Variants in ZNF618 observed in about 807,000 individuals in gnomAD.
The protein encoded by ZNF618 is neural precursor cell expressed, developmentally down-regulated 10.
A neutral mutation model predicts 103.0 loss-of-function variants in ZNF618; 34 were observed. That is an observed-to-expected ratio of 0.33 (90% CI 0.25 to 0.44). The LOEUF (loss-of-function observed/expected upper bound fraction) is 0.44, where lower values mean the gene tolerates loss of function less well. Ranked by LOEUF, ZNF618 falls within the 20% of genes least tolerant of loss-of-function variation. ZNF618 has a pLI of 1.00. For missense variants in ZNF618, 1,059 were observed against 1,295.4 expected (o/e 0.82, Z 2.80); for synonymous variants, 551 against 542.2 (o/e 1.02, Z -0.23).
chr9:113,946,029 G>C (rs544279379), intron 1 of ZNF618, among the ~76,000 whole-genome samples: 1 of 152,256 alleles, frequency 6.6e-6, no homozygotes, highest in East Asian at 1.9e-4. Flanking sequence ...AGGCTCCATC[G>C]GGGACAAAGA....
intron 6 of ZNF618, among the ~76,000 whole-genome samples, chr9:114,004,027 A>G (rs1841497932): frequency 6.6e-6 from 1 of 152,178 alleles, no homozygotes; most frequent in Non-Finnish European, 1.5e-5. Context: ...GGTTTGTTAC[A>G]CCACACCATC....
chr9:113,876,640 C>T (rs1471593698), intron 1 of ZNF618, among the ~76,000 whole-genome samples: 2 of 151,894 alleles, frequency 1.3e-5, no homozygotes, highest in East Asian at 1.9e-4. Context: ...GGGGCCCCCA[C>T]CCAGCGCCCC....
intron 1 of ZNF618, among the ~76,000 whole-genome samples, chr9:113,951,585 G>GTT (rs1835776238): frequency 1.0e-5 from 1 of 96,832 alleles, no homozygotes; most frequent in Non-Finnish European, 2.1e-5. Flanking sequence ...ATATGTGTGT[G>GTT]TGTGTGTGTG....
intron 1 of ZNF618, among the ~76,000 whole-genome samples, chr9:113,951,402 C>CACACATATAT (rs1564206554): frequency 1.2e-3 from 41 of 33,590 alleles, no homozygotes; most frequent in African/African-American, 3.8e-3. Flanking sequence ...TATATATATA[C>CACACATATAT]GTATATATAC....
chr9:114,054,761 G>A lies in ZNF618; in HGVS notation c.*4594G>A, dbSNP rs1441839847. 1 of 152,782 alleles carries A rather than the reference G, an allele frequency of 6.5e-6. No individual in the cohort carries two copies. The highest frequency in any genetic ancestry group is 6.5e-5 in the Admixed American group (1 of 15,286). 9.5% of individuals were successfully genotyped at this position (152,782 alleles called of 1,614,324 possible). A position where few individuals can be genotyped will look rare whatever the true frequency, so the allele number is the denominator to read the frequency against. On this transcript the variant is annotated 3_prime_UTR_variant, in exon 15 of 15. Coordinates refer to ENST00000374126, the MANE Select transcript of ZNF618 (RefSeq NM_001318042.2). ...TTTTCAGGGTTTTCTGGGGGATTTT[G>A]TTGTAGTAGTTGCTTTTCTTCCTCT...
chr9:114,032,233 AT>A (rs1449589673), intron 11 of ZNF618, among the ~76,000 whole-genome samples: 1 of 152,214 alleles, frequency 6.6e-6, no homozygotes, highest in African/African-American at 2.4e-5. Context: ...TGCTGTCATC[AT>A]CTATGCACTT....
intron 1 of ZNF618, among the ~76,000 whole-genome samples, chr9:113,949,379 A>G (rs765810711): frequency 3.9e-5 from 6 of 152,150 alleles, no homozygotes; most frequent in Non-Finnish European, 2.9e-5. Context: ...GTCCCCCACC[A>G]TCCCTCCAGA....
At chr9:113,876,907 T>A (rs1828007706) in intron 1 of ZNF618, among the ~76,000 whole-genome samples, 1 of 151,432 alleles carries the variant, frequency 6.6e-6, no homozygotes, top group Non-Finnish European at 1.5e-5. Context: ...TTCTCAATTT[T>A]TTTTTTCTAA....
chr9:113,880,652 T>G (rs896347888), intron 1 of ZNF618, among the ~76,000 whole-genome samples: 6 of 152,012 alleles, frequency 3.9e-5, no homozygotes, highest in Admixed American at 1.3e-4. Context: ...TCAGAATTTT[T>G]TAAAAACAAG....
chr9:113,917,790 A>T (rs917288479), intron 1 of ZNF618, among the ~76,000 whole-genome samples: 1 of 152,214 alleles, frequency 6.6e-6, no homozygotes, highest in South Asian at 2.1e-4. Context: ...TTTCAGACTC[A>T]TAAAAACCTC....
chr9:113,972,409 T>A (rs1327118089), intron 2 of ZNF618, among the ~76,000 whole-genome samples: 1 of 152,182 alleles, frequency 6.6e-6, no homozygotes. Context: ...CTCTTATTAT[T>A]CCCACTTTAC....
At position 114,050,772 on chromosome 9, in the gene ZNF618, C is replaced by T. The variant is rs552284802; in HGVS notation, c.*605C>T. ...CTCCTGATCCCATTGTGCACCCCCC[C>T]ACACACTCGGCTGCTCTGCTGTGGA... is the stretch of plus-strand genomic sequence containing the variant. On this transcript the variant is annotated 3_prime_UTR_variant, in exon 15 of 15. Coordinates refer to ENST00000374126, the MANE Select transcript of ZNF618 (RefSeq NM_001318042.2). 2 of 153,106 alleles carry T rather than the reference C, an allele frequency of 1.3e-5. No homozygotes were observed. Among genetic ancestry groups the T allele is most frequent in the Admixed American group, 6.5e-5 (1 of 15,312 alleles). The allele number at this position is 153,106 out of a possible 1,614,324, so 9.5% of individuals were successfully genotyped here. A position where few individuals can be genotyped will look rare whatever the true frequency, so the allele number is the denominator to read the frequency against.
chr9:113,904,285 C>T (rs1487698010), intron 1 of ZNF618, among the ~76,000 whole-genome samples: 3 of 150,312 alleles, frequency 2.0e-5, no homozygotes, highest in Non-Finnish European at 4.4e-5. Flanking sequence ...CTTTTTATAT[C>T]TCCTGTGTCC....
intron 1 of ZNF618, among the ~76,000 whole-genome samples, chr9:113,940,562 A>T (rs1834452601): frequency 7.1e-6 from 1 of 140,514 alleles, no homozygotes. Context: ...GTTTAATTTT[A>T]TGTCAGTTAA....
At chr9:113,951,584 T>TGA (rs1835776004) in intron 1 of ZNF618, among the ~76,000 whole-genome samples, 1 of 101,000 alleles carries the variant, frequency 9.9e-6, no homozygotes, top group African/African-American at 3.3e-5. Context: ...TATATGTGTG[T>TGA]GTGTGTGTGT....
intron 13 of ZNF618, among the ~76,000 whole-genome samples, chr9:114,042,862 A>G (rs978892848): frequency 2.0e-5 from 3 of 152,170 alleles, no homozygotes; most frequent in Admixed American, 2.0e-4. Flanking sequence ...ATCAACCCAG[A>G]AAGTTCCTTC....
At chr9:114,006,594 A>T (rs1270768216) in intron 6 of ZNF618, among the ~76,000 whole-genome samples, 1 of 152,204 alleles carries the variant, frequency 6.6e-6, no homozygotes, top group Admixed American at 6.5e-5. Context: ...TGTGTAACAG[A>T]TGTCCCTAAA....
At chr9:114,038,479 A>G (rs965896601) in intron 13 of ZNF618, among the ~76,000 whole-genome samples, 1 of 152,208 alleles carries the variant, frequency 6.6e-6, no homozygotes, top group Non-Finnish European at 1.5e-5. Flanking sequence ...TCGGGATTAA[A>G]GGCTTGGCTC....
rs1340620473 is a variant in ZNF618, at chr9:114,049,516, C to G, written c.2214C>G (p.Ile738Met). The G allele has an allele frequency of 1.2e-6, 2 of 1,613,586 alleles. No individual in the cohort carries two copies. The highest frequency in any genetic ancestry group is 3.3e-5 in the Admixed American group (2 of 59,974). Residue 738 changes from isoleucine to methionine, a missense_variant, in exon 15 of 15, where the codon ATC becomes ATG. Physicochemically the swap from Ile to Met is conservative, Grantham distance 10 (BLOSUM62 1). Coordinates refer to ENST00000374126, the MANE Select transcript of ZNF618 (RefSeq NM_001318042.2). The part of the protein sequence containing the change: ...NKHLLSNLAA[I>M]LTPVKQAVIE... ...ACCTGCTCAGCAACCTGGCGGCCAT[C>G]CTGACGCCGGTGAAGCAGGCAGTCA...
Sources: allele counts gnomAD v4.1 joint callset (sites outside exome capture counted in the v4.1 genomes callset), GRCh38; gene constraint gnomAD v4.1.1; transcripts MANE v1.5; gene names NCBI Gene and HGNC (gene_info 2026-07-23, HGNC 2026-07-21).